Variants in SLC2A13 observed in about 807,000 individuals in gnomAD.
The protein encoded by SLC2A13 is proton myo-inositol cotransporter.
Under a neutral mutation model 64.4 loss-of-function variants are expected in SLC2A13, and 32 were observed. The ratio of observed to expected loss-of-function variants is 0.50; its 90% confidence interval spans 0.37 to 0.67. The LOEUF is 0.67. Among genes scored for constraint, SLC2A13 ranks in the 30% least tolerant of loss-of-function variants. The pLI is 0.00. For synonymous variants in SLC2A13, 338 were observed against 327.1 expected (o/e 1.03, Z -0.36); for missense variants, 743 against 829.2 (o/e 0.90, Z 1.28).
At chr12:39,975,897 CTTAAAG>C (rs1168784394) in intron 3 of SLC2A13, among the ~76,000 whole-genome samples, 1 of 152,212 alleles carries the variant, frequency 6.6e-6, no homozygotes, top group Non-Finnish European at 1.5e-5. Flanking sequence ...AAACCGGATT[CTTAAAG>C]TTGAAGATTC....
intron 3 of SLC2A13, among the ~76,000 whole-genome samples, chr12:39,977,199 A>G (rs979893911): frequency 2.0e-5 from 3 of 152,208 alleles, no homozygotes; most frequent in Non-Finnish European, 2.9e-5. Context: ...GGTTTGTAGT[A>G]TTAATCCCAT....
chr12:40,091,205 T>C (rs1298280499), intron 1 of SLC2A13, among the ~76,000 whole-genome samples: 3 of 152,210 alleles, frequency 2.0e-5, no homozygotes, highest in Non-Finnish European at 4.4e-5. Context: ...CACCATCCTA[T>C]ACGCAGTCAT....
intron 8 of SLC2A13, 32 bp downstream of exon 8, chr12:39,764,705 T>C (rs1940285705): frequency 1.3e-6 from 2 of 1,598,028 alleles, no homozygotes; most frequent in Admixed American, 3.6e-5. Flanking sequence ...GCAATTCAAT[T>C]AATGCAACAG....
At chr12:40,100,245 T>C (rs1233085937) in intron 1 of SLC2A13, among the ~76,000 whole-genome samples, 2 of 152,216 alleles carry the variant, frequency 1.3e-5, no homozygotes, top group Admixed American at 1.3e-4. Context: ...CTAAGATTAA[T>C]TCAACGAATC....
At chr12:40,083,254 T>C (rs570900516) in intron 1 of SLC2A13, among the ~76,000 whole-genome samples, 1 of 152,204 alleles carries the variant, frequency 6.6e-6, no homozygotes, top group African/African-American at 2.4e-5. Flanking sequence ...GAAGATCCCC[T>C]TTTTCAGCTC....
chr12:39,928,303 GA>G lies in SLC2A13; in HGVS notation c.1034+22953del, dbSNP rs559982998. Reference sequence around the variant, plus strand: ...AAAAATCTTAATCTTACTCATATTAGAGAATTCTATAAAGTAAATCCTGTTC... The same window carrying G: ...AAAAATCTTAATCTTACTCATATTAGGAATTCTATAAAGTAAATCCTGTTC... On this transcript the variant is annotated intron_variant, in intron 4 of 9. Coordinates refer to ENST00000280871, the MANE Select transcript of SLC2A13 (RefSeq NM_052885.4). 2.0e-5 allele frequency among the ~76,000 whole-genome samples: 3 copies of G among 152,102 alleles called. No homozygotes were observed. In the South Asian group the frequency reaches 6.2e-4, roughly 32 times the overall value.
intron 3 of SLC2A13, among the ~76,000 whole-genome samples, chr12:39,996,526 C>G (rs1227509328): frequency 6.6e-6 from 1 of 152,216 alleles, no homozygotes; most frequent in Non-Finnish European, 1.5e-5. Context: ...CAGAGGTCTT[C>G]ACAGCAGCCC....
chr12:39,878,107 A>G (rs1408197102), intron 4 of SLC2A13, among the ~76,000 whole-genome samples: 1 of 151,898 alleles, frequency 6.6e-6, no homozygotes, highest in Non-Finnish European at 1.5e-5. Flanking sequence ...TGCCAGCACC[A>G]CTCTTCCTCA....
intron 6 of SLC2A13, among the ~76,000 whole-genome samples, chr12:39,840,121 T>C (rs1032052967): frequency 6.6e-6 from 1 of 152,042 alleles, no homozygotes; most frequent in Non-Finnish European, 1.5e-5. Flanking sequence ...AACCTCCGCC[T>C]CCTGGGTTTA....
chr12:39,820,785 A>G (rs1942482247), intron 7 of SLC2A13, among the ~76,000 whole-genome samples: 1 of 146,690 alleles, frequency 6.8e-6, no homozygotes, highest in African/African-American at 2.5e-5. Flanking sequence ...ATAAAGCAAC[A>G]TGTAAAAATG....
chr12:39,783,970 T>C (rs933399798), intron 7 of SLC2A13, among the ~76,000 whole-genome samples: 1 of 152,164 alleles, frequency 6.6e-6, no homozygotes, highest in Non-Finnish European at 1.5e-5. Flanking sequence ...GAACTCCCAT[T>C]CACAATTGCT....
chr12:39,902,108 C>T (rs553709948), intron 4 of SLC2A13, among the ~76,000 whole-genome samples: 24 of 149,244 alleles, frequency 1.6e-4, no homozygotes, highest in African/African-American at 4.2e-4. Context: ...AACCAAACAC[C>T]GCATGTTCTC....
intron 3 of SLC2A13, among the ~76,000 whole-genome samples, chr12:39,952,920 G>A (rs1312236303): frequency 6.6e-6 from 1 of 152,114 alleles, no homozygotes; most frequent in African/African-American, 2.4e-5. Flanking sequence ...CACAAAATAA[G>A]CAAGGCACTA....
chr12:40,060,901 C>T (rs1948408865), intron 1 of SLC2A13, among the ~76,000 whole-genome samples: 1 of 151,888 alleles, frequency 6.6e-6, no homozygotes, highest in Admixed American at 6.6e-5. Flanking sequence ...TAAATGCAAG[C>T]TCAAGAGAAG....
chr12:39,947,356 A>G (rs990430437), intron 4 of SLC2A13, among the ~76,000 whole-genome samples: 1 of 152,194 alleles, frequency 6.6e-6, no homozygotes, highest in African/African-American at 2.4e-5. Context: ...AAAATCTGAT[A>G]CCTTTCATTC....
intron 1 of SLC2A13, among the ~76,000 whole-genome samples, chr12:40,103,568 A>T (rs1592086007): frequency 6.6e-6 from 1 of 152,156 alleles, no homozygotes; most frequent in South Asian, 2.1e-4. Context: ...TAAACATAAT[A>T]CCCAAGATTT....
At chr12:39,977,479 A>G (rs1262664734) in intron 3 of SLC2A13, among the ~76,000 whole-genome samples, 1 of 152,254 alleles carries the variant, frequency 6.6e-6, no homozygotes, top group African/African-American at 2.4e-5. Context: ...CTTCTCTGAA[A>G]AGAGGCACAG....
intron 6 of SLC2A13, among the ~76,000 whole-genome samples, chr12:39,848,676 T>C (rs1034753945): frequency 1.3e-5 from 2 of 152,126 alleles, no homozygotes; most frequent in African/African-American, 4.8e-5. Context: ...TCTAGGTATA[T>C]ATGCAGAGGA....
intron 4 of SLC2A13, among the ~76,000 whole-genome samples, chr12:39,916,324 A>C (rs1945520719): frequency 6.6e-6 from 1 of 151,992 alleles, no homozygotes; most frequent in Non-Finnish European, 1.5e-5. Flanking sequence ...ATTTTCTGAG[A>C]AATTAAAACC....
Sources: allele counts gnomAD v4.1 joint callset (sites outside exome capture counted in the v4.1 genomes callset), GRCh38; gene constraint gnomAD v4.1.1; transcripts MANE v1.5; gene names NCBI Gene and HGNC (gene_info 2026-07-23, HGNC 2026-07-21).